Variants in BRAF observed in about 807,000 individuals in gnomAD.
The protein encoded by BRAF is serine/threonine-protein kinase B-raf.
A neutral mutation model predicts 104.6 loss-of-function variants in BRAF; 16 were observed. The observed-to-expected ratio is 0.15, with a 90% CI of 0.10 to 0.23. The LOEUF (loss-of-function observed/expected upper bound fraction) is 0.23. Ranked by LOEUF, BRAF falls within the 10% of genes least tolerant of loss-of-function variation. BRAF has a pLI of 1.00. For missense variants in BRAF, 541 were observed against 937.3 expected (o/e 0.58, Z 5.52); for synonymous variants, 310 against 341.6 (o/e 0.91, Z 1.02).
chr7:140,919,285 T>C (rs1817960859), intron 1 of BRAF, among the ~76,000 whole-genome samples: 1 of 152,156 alleles, frequency 6.6e-6, no homozygotes, highest in Non-Finnish European at 1.5e-5. Flanking sequence ...TGCAGCTACA[T>C]TACAAGAATG....
rs1795496761 is a variant in BRAF at position 140,724,565 on chromosome 7, T to C, written c.*1929A>G. ...TAATAACTTAAGGATCTTTTCCATT[T>C]TACTAGGACAACCTTTTACAAGACA... is the stretch of plus-strand genomic sequence containing the variant. On this transcript the variant is annotated 3_prime_UTR_variant, in exon 20 of 20. Coordinates refer to ENST00000644969, the MANE Select transcript of BRAF (RefSeq NM_001374258.1). 1.4e-5 allele frequency: 15 copies of C among 1,041,716 alleles called. No homozygotes were observed. Among genetic ancestry groups the C allele is most frequent in the African/African-American group, 1.7e-5 (1 of 59,754 alleles). The allele number at this position is 1,041,716 out of a possible 1,614,324, so 64.5% of individuals were successfully genotyped here. A position where few individuals can be genotyped will look rare whatever the true frequency, so the allele number is the denominator to read the frequency against.
Position 140,800,440 on chromosome 7 carries a change from G to C in BRAF, c.902C>G (p.Pro301Arg). 6.2e-7 allele frequency: 1 copy of C among 1,614,096 alleles called. No individual in the cohort carries two copies. The highest frequency in any genetic ancestry group is 8.5e-7 in the Non-Finnish European group (1 of 1,180,008). ...VSKFFEHHPI[P>R]QEEASLAETA... is the part of the protein sequence containing the mutation. ...CTCTGCTAAGGACGCCTCTTCCTGT[G>C]GTATTGGGTGGTGTTCAAAGAACTT... Residue 301 changes from proline (P) to arginine (R), a missense_variant, in exon 7 of 20, where the codon CCA becomes CGA. By Grantham distance (103) the Pro-to-Arg change is moderately radical. Transcript: ENST00000644969.
chr7:140,921,482 T>C (rs1485035115), intron 1 of BRAF, among the ~76,000 whole-genome samples: 4 of 152,106 alleles, frequency 2.6e-5, no homozygotes, highest in Non-Finnish European at 5.9e-5. Context: ...TTCAAGATGT[T>C]TGATGGCAGT....
At chr7:140,734,931 T>C (rs1204884943) in intron 18 of BRAF, among the ~76,000 whole-genome samples, 161 bp from the exon 18 acceptor site, 1 of 152,090 alleles carries the variant, frequency 6.6e-6, no homozygotes, top group Non-Finnish European at 1.5e-5. Flanking sequence ...CTTACATTGT[T>C]TTCAGCATTG....
chr7:140,839,821 T>C (rs1024184440), intron 2 of BRAF, among the ~76,000 whole-genome samples: 2 of 152,206 alleles, frequency 1.3e-5, no homozygotes, highest in African/African-American at 4.8e-5. Flanking sequence ...GTTGATCTAA[T>C]TATGTGCTTA....
chr7:140,906,832 T>C (rs1412431271), intron 1 of BRAF, among the ~76,000 whole-genome samples: 1 of 152,238 alleles, frequency 6.6e-6, no homozygotes, highest in East Asian at 1.9e-4. Context: ...TCTCTCTGGC[T>C]ACTTTCAAGA....
chr7:140,865,841 A>G lies in BRAF; in HGVS notation c.139-15629T>C, dbSNP rs957657351. Among the ~76,000 whole-genome samples the G allele has an allele frequency of 7.9e-5, 12 of 152,376 alleles. No homozygotes were observed. The South Asian group carries it at 2.5e-3, about 32-fold the overall frequency. ...CAATAAGCAGAAACTATTCTAACTT[A>G]GAGTTTAACTTAGAAATCATCTAAA... On this transcript the variant is annotated intron_variant, in intron 1 of 19. Coordinates refer to ENST00000644969, the MANE Select transcript of BRAF (RefSeq NM_001374258.1).
At chr7:140,877,200 T>C (rs543422377) in intron 1 of BRAF, among the ~76,000 whole-genome samples, 44 of 150,954 alleles carry the variant, frequency 2.9e-4, no homozygotes, top group Non-Finnish European at 4.7e-4. Flanking sequence ...AAATACAGCA[T>C]ACTAAATCTG....
intron 1 of BRAF, among the ~76,000 whole-genome samples, chr7:140,851,096 G>C (rs1321872055): frequency 6.6e-6 from 1 of 152,088 alleles, no homozygotes; most frequent in East Asian, 1.9e-4. Context: ...AAGGCTCCAA[G>C]CCTTACCCAT....
intron 1 of BRAF, among the ~76,000 whole-genome samples, chr7:140,888,499 C>T (rs1054005272): frequency 1.3e-5 from 2 of 152,168 alleles, no homozygotes; most frequent in African/African-American, 4.8e-5. Context: ...TAACACTTTC[C>T]CTACTCTACT....
intron 7 of BRAF, among the ~76,000 whole-genome samples, chr7:140,798,272 C>CTTTTTTCTTTTT (rs1554402873): frequency 7.8e-5 from 9 of 115,614 alleles, no homozygotes; most frequent in South Asian, 5.1e-4. Context: ...CTTTTTTTTT[C>CTTTTTTCTTTTT]TTTTTTTTGA....
intron 2 of BRAF, among the ~76,000 whole-genome samples, chr7:140,840,739 C>T (rs1402223680): frequency 1.3e-5 from 2 of 150,538 alleles, no homozygotes; most frequent in African/African-American, 4.9e-5. Flanking sequence ...TGCAGTCAGT[C>T]GAGATGGTGC....
rs1563222545 is a variant in BRAF at position 140,723,998 on chromosome 7, T to C, written c.*2496A>G. ...TAGAAAAAGGAAGAAAAGAGAGGTT[T>C]AAATATTTTATTTTTTAAGGTATCT... On this transcript the variant is annotated 3_prime_UTR_variant, in exon 20 of 20. Transcript: ENST00000644969. The C allele has an allele frequency of 3.8e-6, 4 of 1,042,102 alleles. No individual in the cohort carries two copies. The highest frequency in any genetic ancestry group is 4.6e-6 in the Non-Finnish European group (4 of 864,412). 64.6% of individuals were successfully genotyped at this position (1,042,102 alleles called of 1,614,324 possible). A position where few individuals can be genotyped will look rare whatever the true frequency, so the allele number is the denominator to read the frequency against.
At chr7:140,894,303 A>C (rs1214874017) in intron 1 of BRAF, among the ~76,000 whole-genome samples, 2 of 152,256 alleles carry the variant, frequency 1.3e-5, no homozygotes, top group Non-Finnish European at 2.9e-5. Context: ...ACTTGATAGG[A>C]AAATCAAGCT....
chr7:140,857,534 A>C (rs183874737), intron 1 of BRAF, among the ~76,000 whole-genome samples: 1 of 152,312 alleles, frequency 6.6e-6, no homozygotes, highest in East Asian at 1.9e-4. Flanking sequence ...ACTAATATAC[A>C]TGAAAGTAAA....
chr7:140,888,787 A>G (rs967100542), intron 1 of BRAF, among the ~76,000 whole-genome samples: 49 of 151,902 alleles, frequency 3.2e-4, no homozygotes, highest in African/African-American at 1.1e-3. Flanking sequence ...GTGGGCCGAG[A>G]TTGCGCCATT....
At chr7:140,838,179 CAA>C (rs1190733648) in intron 2 of BRAF, among the ~76,000 whole-genome samples, 6 of 152,126 alleles carry the variant, frequency 3.9e-5, no homozygotes, top group Admixed American at 2.6e-4. Flanking sequence ...AAATATTTTT[CAA>C]AAAGTCTAAT....
intron 1 of BRAF, among the ~76,000 whole-genome samples, chr7:140,865,095 T>TC (rs1033764137): frequency 7.2e-5 from 11 of 151,782 alleles, no homozygotes; most frequent in South Asian, 2.1e-4. Flanking sequence ...TTTTTTTTTT[T>TC]CTGAGACAGA....
Position 140,720,199 on chromosome 7 carries a change from G to A in BRAF, c.*6295C>T, listed in dbSNP as rs117266276. The A allele has an allele frequency of 2.0e-4, 216 of 1,062,778 alleles. 1 individual carries two copies. The East Asian group carries it at 0.011, about 53-fold the overall frequency. The allele number at this position is 1,062,778 out of a possible 1,614,324, so 65.8% of individuals were successfully genotyped here. ...AATTGCCATGTTGAGGAAAGGATCA[G>A]ATGTACAACCAACAAATGAGATTAC... is the stretch of plus-strand genomic sequence containing the variant. On this transcript the variant is annotated 3_prime_UTR_variant, in exon 20 of 20. Transcript: ENST00000644969.
Sources: gnomAD v4.1 joint callset for allele counts (sites outside exome capture counted in the v4.1 genomes callset) on GRCh38, gnomAD v4.1.1 for gene constraint, MANE v1.5 for transcripts, NCBI Gene and HGNC (gene_info 2026-07-23, HGNC 2026-07-21) for gene names.